The following TPCN2 variants were observed in gnomAD, a reference collection of about 807,000 sequenced individuals.
TPCN2 encodes the protein two pore segment channel 2.
TPCN2 carries 92 observed loss-of-function variants against 111.4 expected under a neutral mutation model. That is an observed-to-expected ratio of 0.83 (90% CI 0.70 to 0.98). TPCN2 has a LOEUF of 0.98. Among genes scored for constraint, TPCN2 ranks in the 50% least tolerant of loss-of-function variants. TPCN2 has a pLI of 0.00. For synonymous variants in TPCN2, 405 were observed against 414.5 expected (o/e 0.98, Z 0.28); for missense variants, 995 against 980.1 (o/e 1.02, Z -0.20).
At chr11:69,087,471 A>G (rs1856333117) in intron 24 of TPCN2, among the ~76,000 whole-genome samples, 1 of 152,182 alleles carries the variant, frequency 6.6e-6, no homozygotes, top group South Asian at 2.1e-4. Flanking sequence ...TTCAGGGTCC[A>G]TTGGATCCTG....
At chr11:69,075,123 G>GC (rs1485057824) in intron 13 of TPCN2, among the ~76,000 whole-genome samples, 3 of 152,156 alleles carry the variant, frequency 2.0e-5, no homozygotes. Context: ...GGAGGTCCCG[G>GC]CGATGCTCTT....
intron 8 of TPCN2, 41 bp downstream of exon 8, chr11:69,067,646 C>A: frequency 6.3e-7 from 1 of 1,596,464 alleles, no homozygotes. Context: ...GGTCGGTGAG[C>A]CCAGCACTGG....
chr11:69,085,776 C>A (rs758411193), intron 21 of TPCN2, 24 bp downstream of exon 21: 1 of 1,593,646 alleles, frequency 6.3e-7, no homozygotes, highest in Admixed American at 1.7e-5. Context: ...CCTGTCCCAG[C>A]ACCCTGCTCC....
intron 11 of TPCN2, 32 bp from the exon 12 acceptor site, chr11:69,072,595 G>A: frequency 6.2e-7 from 1 of 1,612,000 alleles, no homozygotes; most frequent in Non-Finnish European, 8.5e-7. Context: ...CGAGCTGGCT[G>A]TGCTCACCGG....
chr11:69,071,154 CCAGGGATCCCCCACCCCA>C, intron 9 of TPCN2, among the ~76,000 whole-genome samples, 184 bp from the exon 10 acceptor site: 1 of 122,186 alleles, frequency 8.2e-6, no homozygotes, highest in Non-Finnish European at 1.8e-5. Context: ...CAGCTTCACC[CCAGGGATCCCCCACCCCA>C]CACTTTCTGT....
At chr11:69,052,045 C>G in intron 1 of TPCN2, among the ~76,000 whole-genome samples, 1 of 152,052 alleles carries the variant, frequency 6.6e-6, no homozygotes, top group East Asian at 1.9e-4. Context: ...ATGGCCAGAC[C>G]CAGAATTTTA....
At chr11:69,056,097 A>G (rs896824004) in intron 4 of TPCN2, among the ~76,000 whole-genome samples, 2 of 152,170 alleles carry the variant, frequency 1.3e-5, no homozygotes, top group African/African-American at 4.8e-5. Flanking sequence ...TATTTTTGTC[A>G]AACAGTGATT....
intron 19 of TPCN2, 147 bp downstream of exon 19, chr11:69,084,163 A>G: frequency 1.2e-6 from 1 of 811,718 alleles, no homozygotes; most frequent in Non-Finnish European, 2.0e-6. Context: ...AGGCCAGGGA[A>G]GTACAGGGTC....
At chr11:69,066,816 GCAGAGGGTGCCCATGAGCCTGGCC>G (rs1855291794) in intron 7 of TPCN2, among the ~76,000 whole-genome samples, 1 of 152,188 alleles carries the variant, frequency 6.6e-6, no homozygotes, top group Non-Finnish European at 1.5e-5. Context: ...GGCTTGGTAG[GCAGAGGGTGCCCATGAGCCTGGCC>G]CCAGTGAGAG....
At chr11:69,085,074 C>T in intron 19 of TPCN2, 136 bp from the exon 20 acceptor site, 1 of 896,146 alleles carries the variant, frequency 1.1e-6, no homozygotes, top group East Asian at 2.5e-5. Flanking sequence ...AAGTAGCAGC[C>T]AGGCTGGAAT....
chr11:69,086,686 G>A (rs1315374851), intron 23 of TPCN2, 82 bp downstream of exon 23: 1 of 1,384,134 alleles, frequency 7.2e-7, no homozygotes, highest in South Asian at 1.2e-5. Context: ...CCACCGGCCG[G>A]GCCTGCCTGG....
At chr11:69,055,055 C>A in intron 3 of TPCN2, 120 bp from the exon 4 acceptor site, 3 of 1,104,556 alleles carry the variant, frequency 2.7e-6, no homozygotes, top group Non-Finnish European at 4.0e-6. Flanking sequence ...TCCCCAGTCA[C>A]GAGTGTCCAC....
In TPCN2 at chr11:69,085,941, G is replaced by A. The variant is rs766693495; in HGVS notation, c.2003+11G>A. The A allele has an allele frequency of 2.1e-5, 34 of 1,611,936 alleles. No homozygotes were observed. The highest frequency in any genetic ancestry group is 4.5e-5 in the East Asian group (2 of 44,824). ...GCGCTACTCAGGCCCGTGAGTCCTC[G>A]TCTCCCTGACGGCAGTGATTCTCCG... On this transcript the variant is annotated intron_variant, in intron 22 of 24. Transcript: ENST00000294309.
At chr11:69,052,890 T>C (rs1427372880) in intron 1 of TPCN2, among the ~76,000 whole-genome samples, 2 of 152,240 alleles carry the variant, frequency 1.3e-5, no homozygotes. Flanking sequence ...AAAAAGCAGC[T>C]GCTTCACCCT....
At chr11:69,056,637 G>A (rs561460476) in intron 4 of TPCN2, among the ~76,000 whole-genome samples, 1 of 151,956 alleles carries the variant, frequency 6.6e-6, no homozygotes, top group Admixed American at 6.5e-5. Context: ...GGGTTTAGGT[G>A]ATTCTCCTGC....
At chr11:69,071,555 T>C (rs1855536169) in intron 10 of TPCN2, 135 bp downstream of exon 10, 1 of 759,082 alleles carries the variant, frequency 1.3e-6, no homozygotes, top group Non-Finnish European at 2.2e-6. Flanking sequence ...TGCCACCTCT[T>C]GTGGATCAGC....
chr11:69,059,218 A>G (rs1019013343), intron 5 of TPCN2, among the ~76,000 whole-genome samples: 4 of 152,062 alleles, frequency 2.6e-5, no homozygotes, highest in African/African-American at 9.7e-5. Context: ...ACATAGGAGT[A>G]AGAGGTGGCC....
chr11:69,077,999 G>A (rs975506442), intron 13 of TPCN2, among the ~76,000 whole-genome samples: 2 of 152,166 alleles, frequency 1.3e-5, no homozygotes, highest in African/African-American at 4.8e-5. Flanking sequence ...AGGCTGCTGA[G>A]CGTGGGAAGT....
intron 8 of TPCN2, among the ~76,000 whole-genome samples, chr11:69,067,845 T>G (rs10792017): frequency 0.44 from 66,109 of 151,884 alleles, 14,797 homozygotes; most frequent in Non-Finnish European, 0.5. Flanking sequence ...TCTGTCTCAT[T>G]CCTTTGCTTT....
Sources: allele counts gnomAD v4.1 joint callset (sites outside exome capture counted in the v4.1 genomes callset), GRCh38; gene constraint gnomAD v4.1.1; transcripts MANE v1.5; gene names NCBI Gene and HGNC (gene_info 2026-07-23, HGNC 2026-07-21).